The following PMPCA variants were observed in gnomAD, a reference collection of about 807,000 sequenced individuals.
PMPCA encodes peptidase, mitochondrial processing subunit alpha.
Under a neutral mutation model 59.3 loss-of-function variants are expected in PMPCA, and 47 were observed. That is an observed-to-expected ratio of 0.79 (90% CI 0.63 to 1.01). PMPCA has a LOEUF of 1.01. PMPCA is among the 50% of genes least tolerant of loss of function. The probability of loss-of-function intolerance (pLI) is 0.00; values close to 1 mark genes in which losing one functional copy is unlikely to be tolerated. For synonymous variants in PMPCA, 338 were observed against 290.3 expected, an observed-to-expected ratio of 1.16 and a Z score of -1.67; for missense variants, 726 against 704.5, an observed-to-expected ratio of 1.03 and a Z score of -0.34.
At position 136,421,868 on chromosome 9, in the gene PMPCA, A is replaced by T. The variant is rs560212236; in HGVS notation, c.1300A>T (p.Met434Leu). Residue 434 changes from methionine (M) to leucine (L), a missense_variant, in exon 12 of 13, where the codon ATG becomes TTG. Coordinates refer to ENST00000371717, the MANE Select transcript of PMPCA (RefSeq NM_015160.3). Reference sequence around the variant, plus strand: ...ACGAGCCAAGACGCAGCTGACATCAATGCTCATGATGAACCTGGAATCCAG... The same window carrying T: ...ACGAGCCAAGACGCAGCTGACATCATTGCTCATGATGAACCTGGAATCCAG... ...LERAKTQLTSMLMMNLESRPV... is the reference protein window; with the variant it reads ...LERAKTQLTSLLMMNLESRPV... The T allele has an allele frequency of 1.9e-6, 3 of 1,607,046 alleles. No individual in the cohort carries two copies. Among genetic ancestry groups the T allele is most frequent in the South Asian group, 1.1e-5 (1 of 90,750 alleles).
intron 11 of PMPCA, among the ~76,000 whole-genome samples, chr9:136,421,135 G>A (rs1395158759): frequency 6.6e-6 from 1 of 152,220 alleles, no homozygotes; most frequent in Non-Finnish European, 1.5e-5. Flanking sequence ...TGGGCCCTGC[G>A]CCGGAGGCGT....
At chr9:136,421,647 C>T (rs113363338) in intron 11 of PMPCA, among the ~76,000 whole-genome samples, 185 bp from the exon 12 acceptor site, 2 of 152,232 alleles carry the variant, frequency 1.3e-5, no homozygotes, top group South Asian at 2.1e-4. Flanking sequence ...CTCCTGACCT[C>T]GTGATCCGCC....
chr9:136,413,544 A>G (rs183053383), intron 4 of PMPCA, among the ~76,000 whole-genome samples: 129 of 152,356 alleles, frequency 8.5e-4, no homozygotes, highest in African/African-American at 3.0e-3. Flanking sequence ...TAAAAGACAC[A>G]TTAAATGCTA....
intron 12 of PMPCA, chr9:136,422,581 C>T (rs548878857): frequency 1.3e-4 from 133 of 1,013,538 alleles, no homozygotes; most frequent in Non-Finnish European, 1.5e-4. Context: ...TGCCCTGTCC[C>T]GTGTGGGCCC....
At position 136,418,043 on chromosome 9, in the gene PMPCA, C is replaced by A; in HGVS notation, c.924C>A (p.Ser308Arg). The A allele has an allele frequency of 6.2e-7, 1 of 1,613,638 alleles. No homozygotes were observed. The highest frequency in any genetic ancestry group is 8.5e-7 in the Non-Finnish European group (1 of 1,179,504). The change falls in exon 8 of 13, where the codon AGC (serine) becomes AGA (arginine). Residue 308 changes from serine to arginine, a missense_variant. Ser to Arg is a moderately radical substitution (Grantham distance 110). Coordinates refer to ENST00000371717, the MANE Select transcript of PMPCA (RefSeq NM_015160.3). ...AKLERDMSNV[S>R]LGPTPIPELT... Reference sequence around the variant, plus strand: ...TAGAAAGAGACATGTCCAATGTCAGCCTGGGCCCGACCCCCATCCCCGAGC... The same window carrying A: ...TAGAAAGAGACATGTCCAATGTCAGACTGGGCCCGACCCCCATCCCCGAGC...
intron 7 of PMPCA, 70 bp from the exon 8 acceptor site, chr9:136,417,947 A>G: frequency 9.4e-7 from 1 of 1,059,748 alleles, no homozygotes; most frequent in African/African-American, 1.6e-5. Flanking sequence ...TCTGAAGATG[A>G]TCTCATCTGG....
intron 12 of PMPCA, chr9:136,422,604 C>T (rs759398531): frequency 5.0e-6 from 5 of 1,009,352 alleles, no homozygotes; most frequent in African/African-American, 1.7e-5. Flanking sequence ...GTCCTTCCCT[C>T]AGGAGCCCCC....
Position 136,412,884 on chromosome 9 carries a change from G to T in PMPCA, c.429G>T (p.Gln143His). 6.3e-7 allele frequency: 1 copy of T among 1,589,878 alleles called. No individual in the cohort carries two copies. Reference protein sequence around the residue: ...LEKHGGICDCQTSRDTTMYAV... With the variant: ...LEKHGGICDCHTSRDTTMYAV... ...AGCATGGGGGTATCTGTGACTGCCA[G>T]ACATCAAGGTACACCAGCTTTTGTG... Residue 143 changes from glutamine (Q) to histidine (H), a missense_variant, in exon 4 of 13, where the codon CAG becomes CAT. Coordinates refer to ENST00000371717, the MANE Select transcript of PMPCA (RefSeq NM_015160.3).
chr9:136,415,991 G>T, intron 5 of PMPCA: 1 of 479,258 alleles, frequency 2.1e-6, no homozygotes, highest in Non-Finnish European at 3.7e-6. Context: ...GCAGCACTTG[G>T]GACAGACAGG....
intron 11 of PMPCA, chr9:136,419,314 C>A (rs1835380620): frequency 7.9e-6 from 5 of 632,430 alleles, no homozygotes; most frequent in Non-Finnish European, 1.1e-5. Context: ...CTTCCCTGGT[C>A]CAAACCCCGA....
At chr9:136,417,604 C>T (rs1237591701) in intron 7 of PMPCA, among the ~76,000 whole-genome samples, 1 of 151,904 alleles carries the variant, frequency 6.6e-6, no homozygotes, top group African/African-American at 2.4e-5. Flanking sequence ...TCCCGAGTAG[C>T]TGGGATTACC....
At position 136,423,454 on chromosome 9, in the gene PMPCA, G is replaced by C; in HGVS notation, c.*190G>C. 1 of 613,652 alleles carries C rather than the reference G, an allele frequency of 1.6e-6. No homozygotes were observed. The highest frequency in any genetic ancestry group is 2.8e-6 in the Non-Finnish European group (1 of 355,286). 38.0% of individuals were successfully genotyped at this position (613,652 alleles called of 1,614,324 possible). On this transcript the variant is annotated 3_prime_UTR_variant, in exon 13 of 13. Coordinates refer to ENST00000371717, the MANE Select transcript of PMPCA (RefSeq NM_015160.3). Reference sequence around the variant, plus strand: ...TGCCGATCAGTGGAGTCAGTATCGAGCCTGACCACCGCAAGCCAGGAAGCA... The same window carrying C: ...TGCCGATCAGTGGAGTCAGTATCGACCCTGACCACCGCAAGCCAGGAAGCA...
intron 5 of PMPCA, among the ~76,000 whole-genome samples, chr9:136,415,360 G>A (rs1835245112): frequency 6.6e-6 from 1 of 152,250 alleles, no homozygotes; most frequent in South Asian, 2.1e-4. Flanking sequence ...TTGGTTCTTT[G>A]ATTTCGGAAG....
rs757760491 is a variant in PMPCA, at chr9:136,412,021, G to A, written c.96G>A (p.Arg32=). 1.9e-6 allele frequency: 3 copies of A among 1,612,802 alleles called. No individual in the cohort carries two copies. The East Asian group carries it at 6.7e-5, about 36-fold the overall frequency. ...RLRFGPPAYR[R]FSSGGAYPNI... ...GGTTTGGACCTCCTGCGTACAGACG[G>A]TTTAGTAGTGGTGGTGCCTATCCCA... Residue 32 remains arginine, a synonymous_variant, in exon 2 of 13, where the codon CGG becomes CGA. Transcript: ENST00000371717.
chr9:136,421,322 G>A (rs759544633), intron 11 of PMPCA, among the ~76,000 whole-genome samples: 12 of 152,232 alleles, frequency 7.9e-5, no homozygotes, highest in African/African-American at 1.2e-4. Context: ...GGTAGAAGCC[G>A]GGTAACACGT....
At position 136,417,166 on chromosome 9, in the gene PMPCA, C is replaced by T. The variant is rs139987291; in HGVS notation, c.849C>T (p.Ala283=). The T allele has an allele frequency of 2.2e-5, 35 of 1,609,890 alleles. No individual in the cohort carries two copies. Among genetic ancestry groups the T allele is most frequent in the Admixed American group, 1.7e-4 (10 of 59,854 alleles). Reference sequence around the variant, plus strand: ...AGCCGGCCTGGGGGAGCGCAGAGGCCGTGGATATTGACAGATCTGTGGCCC... The same window carrying T: ...AGCCGGCCTGGGGGAGCGCAGAGGCTGTGGATATTGACAGATCTGTGGCCC... ...GVQPAWGSAE[A]VDIDRSVAQY... is the part of the protein sequence containing the mutation. The change falls in exon 7 of 13, where the codon GCC becomes GCT. Residue 283 remains alanine, a synonymous_variant. Coordinates refer to ENST00000371717, the MANE Select transcript of PMPCA (RefSeq NM_015160.3).
chr9:136,416,422 A>C, intron 6 of PMPCA, 31 bp downstream of exon 6: 1 of 1,464,288 alleles, frequency 6.8e-7, no homozygotes, highest in Non-Finnish European at 9.6e-7. Flanking sequence ...ATGCCCCCGC[A>C]TCTCGAACAG....
At chr9:136,420,892 G>A (rs1408479177) in intron 11 of PMPCA, 2 of 151,246 alleles carry the variant, frequency 1.3e-5, no homozygotes, top group African/African-American at 4.9e-5. Flanking sequence ...AGGAGTTCAA[G>A]ACTGACCTGG....
intron 12 of PMPCA, chr9:136,422,356 G>A: frequency 1.8e-5 from 20 of 1,139,912 alleles, no homozygotes; most frequent in Non-Finnish European, 2.2e-5. Context: ...TACCGTTGCT[G>A]GCTCTCGGGC....
Sources: gnomAD v4.1 joint callset for allele counts (sites outside exome capture counted in the v4.1 genomes callset) on GRCh38, gnomAD v4.1.1 for gene constraint, MANE v1.5 for transcripts, NCBI Gene and HGNC (gene_info 2026-07-23, HGNC 2026-07-21) for gene names.